The following PAK5 variants were observed in gnomAD, a reference collection of about 807,000 sequenced individuals.
The protein encoded by PAK5 is p21 (RAC1) activated kinase 5.
Under a neutral mutation model 65.9 loss-of-function variants are expected in PAK5, and 16 were observed. The observed-to-expected ratio is 0.24, with a 90% confidence interval of 0.16 to 0.37. PAK5 has a LOEUF of 0.37. PAK5 is among the 10% of genes least tolerant of loss of function. PAK5 has a pLI of 1.00. For missense variants in PAK5, 785 were observed against 903.9 expected (o/e 0.87, Z 1.69); for synonymous variants, 371 against 354.9 (o/e 1.05, Z -0.51).
intron 3 of PAK5, among the ~76,000 whole-genome samples, chr20:9,612,638 C>A (rs1029542257): frequency 1.3e-5 from 2 of 152,098 alleles, no homozygotes; most frequent in South Asian, 2.1e-4. Context: ...ACTCCACCCC[C>A]CCGATCCAAT....
At chr20:9,748,098 A>G (rs2048529985) in intron 1 of PAK5, among the ~76,000 whole-genome samples, 1 of 152,130 alleles carries the variant, frequency 6.6e-6, no homozygotes, top group Non-Finnish European at 1.5e-5. Context: ...TGCTTCAAAG[A>G]GAATAAAATA....
chr20:9,578,949 A>G (rs892050482), intron 4 of PAK5, among the ~76,000 whole-genome samples: 1 of 152,166 alleles, frequency 6.6e-6, no homozygotes, highest in African/African-American at 2.4e-5. Flanking sequence ...TTTGTTTTTA[A>G]TTTTATATCC....
chr20:9,618,520 C>G (rs1291234835), intron 3 of PAK5, among the ~76,000 whole-genome samples: 1 of 151,340 alleles, frequency 6.6e-6, no homozygotes, highest in Non-Finnish European at 1.5e-5. Context: ...AATTTTCCTG[C>G]CACAGCCTCC....
At chr20:9,765,086 C>T (rs1424573032) in intron 1 of PAK5, among the ~76,000 whole-genome samples, 2 of 152,100 alleles carry the variant, frequency 1.3e-5, no homozygotes, top group Admixed American at 1.3e-4. Flanking sequence ...ACCATGGAGA[C>T]TGAGTATTGA....
At chr20:9,743,940 C>T (rs2048478573) in intron 1 of PAK5, among the ~76,000 whole-genome samples, 1 of 152,052 alleles carries the variant, frequency 6.6e-6, no homozygotes, top group Non-Finnish European at 1.5e-5. Flanking sequence ...CCCTAAATAC[C>T]ATCATATATA....
At chr20:9,558,612 A>T (rs1603206668) in intron 6 of PAK5, among the ~76,000 whole-genome samples, 1 of 152,138 alleles carries the variant, frequency 6.6e-6, no homozygotes. Context: ...GAGCTCAGGC[A>T]AAGTGGTCTT....
At chr20:9,667,103 C>A (rs1045994754) in intron 2 of PAK5, among the ~76,000 whole-genome samples, 14 of 152,186 alleles carry the variant, frequency 9.2e-5, no homozygotes, top group African/African-American at 3.4e-4. Flanking sequence ...ATGGTGAAAC[C>A]CTATCTCTAT....
chr20:9,815,230 C>G (rs993014779), intron 1 of PAK5, among the ~76,000 whole-genome samples: 2 of 152,172 alleles, frequency 1.3e-5, no homozygotes, highest in Non-Finnish European at 2.9e-5. Flanking sequence ...GATCAAATTT[C>G]AACAAGAGAC....
intron 4 of PAK5, among the ~76,000 whole-genome samples, chr20:9,575,917 C>G (rs927165754): frequency 2.0e-5 from 3 of 152,158 alleles, no homozygotes; most frequent in Non-Finnish European, 4.4e-5. Context: ...TGGGGAAGTC[C>G]ATAAAGATTT....
intron 1 of PAK5, among the ~76,000 whole-genome samples, chr20:9,751,711 G>A (rs1384995689): frequency 6.6e-6 from 1 of 151,932 alleles, no homozygotes; most frequent in Non-Finnish European, 1.5e-5. Context: ...TAATTCCTTG[G>A]ACCATATCAA....
chr20:9,754,185 A>C (rs2048607262), intron 1 of PAK5, among the ~76,000 whole-genome samples: 1 of 152,158 alleles, frequency 6.6e-6, no homozygotes, highest in East Asian at 1.9e-4. Flanking sequence ...CTGCCCAGTG[A>C]GTTCATTTTG....
intron 2 of PAK5, among the ~76,000 whole-genome samples, chr20:9,693,420 C>G (rs939582975): frequency 2.6e-5 from 4 of 151,964 alleles, no homozygotes; most frequent in African/African-American, 9.7e-5. Context: ...CTCTCTTCAT[C>G]TCTCGTTTAC....
At chr20:9,832,216 A>C (rs1035255455) in intron 1 of PAK5, among the ~76,000 whole-genome samples, 4 of 152,136 alleles carry the variant, frequency 2.6e-5, no homozygotes, top group Non-Finnish European at 4.4e-5. Flanking sequence ...GAAAACATAA[A>C]ATAAAAAACA....
At chr20:9,540,256 A>G (rs2045239509) in intron 9 of PAK5, among the ~76,000 whole-genome samples, 1 of 152,076 alleles carries the variant, frequency 6.6e-6, no homozygotes, top group Non-Finnish European at 1.5e-5. Context: ...CTGCACAAAT[A>G]CTAAGAGTGT....
intron 3 of PAK5, among the ~76,000 whole-genome samples, chr20:9,617,769 A>T (rs1355395992): frequency 6.6e-6 from 1 of 151,738 alleles, no homozygotes; most frequent in East Asian, 1.9e-4. Flanking sequence ...GTTAGCCAGG[A>T]TGGTCTCGAT....
intron 1 of PAK5, among the ~76,000 whole-genome samples, chr20:9,828,411 G>A (rs1355909058): frequency 2.0e-5 from 3 of 152,218 alleles, no homozygotes; most frequent in Admixed American, 2.0e-4. Flanking sequence ...AGTTGTTTCT[G>A]TAAAATTTTT....
At chr20:9,662,515 G>C (rs544442428) in intron 2 of PAK5, among the ~76,000 whole-genome samples, 1 of 152,216 alleles carries the variant, frequency 6.6e-6, no homozygotes, top group South Asian at 2.1e-4. Context: ...CATGTGCACA[G>C]AAGTGAAATA....
rs190690261 is a variant in PAK5, at chr20:9,723,629, G to A, written c.-161-12194C>T. Among the ~76,000 whole-genome samples, 692 of 152,184 alleles carry A rather than the reference G, an allele frequency of 4.5e-3. 1 individual carries two copies. Among genetic ancestry groups the A allele is most frequent in the Non-Finnish European group, 6.6e-3 (449 of 68,020 alleles). Reference sequence around the variant, plus strand: ...ACATTTTCAAATACTTGTGCATTTCGAACTGTTCTTGCATCTCTGCCATCA... The same window carrying A: ...ACATTTTCAAATACTTGTGCATTTCAAACTGTTCTTGCATCTCTGCCATCA... On this transcript the variant is annotated intron_variant, in intron 1 of 9. Coordinates refer to ENST00000353224, the MANE Select transcript of PAK5 (RefSeq NM_177990.4).
chr20:9,739,116 T>C (rs1007515604), intron 1 of PAK5, among the ~76,000 whole-genome samples: 2 of 152,192 alleles, frequency 1.3e-5, no homozygotes, highest in Non-Finnish European at 2.9e-5. Context: ...CTTTATCCAG[T>C]ATTTACAATA....
Sources: allele counts gnomAD v4.1 joint callset (sites outside exome capture counted in the v4.1 genomes callset), GRCh38; gene constraint gnomAD v4.1.1; transcripts MANE v1.5; gene names NCBI Gene and HGNC (gene_info 2026-07-23, HGNC 2026-07-21).